The following PCDHGA7 variants were observed in gnomAD, a reference collection of about 807,000 sequenced individuals.
The protein encoded by PCDHGA7 is protocadherin gamma subfamily A, 7, also known as protocadherin gamma-A7.
Under a neutral mutation model 58.3 loss-of-function variants are expected in PCDHGA7, and 44 were observed. That is an observed-to-expected ratio of 0.75 (90% CI 0.59 to 0.97). The LOEUF (loss-of-function observed/expected upper bound fraction) is 0.97. PCDHGA7 is among the 50% of genes least tolerant of loss of function. The probability of loss-of-function intolerance (pLI) is 0.00; values close to 1 mark genes in which losing one functional copy is unlikely to be tolerated. For missense variants in PCDHGA7, 1,266 were observed against 1,188.7 expected (o/e 1.06, Z -0.96); for synonymous variants, 516 against 504.2 (o/e 1.02, Z -0.31).
Position 141,432,292 on chromosome 5 carries a change from T to G in PCDHGA7, c.2424+46969T>G. 6.2e-7 allele frequency: 1 copy of G among 1,614,196 alleles called. No homozygotes were observed. The highest frequency in any genetic ancestry group is 8.5e-7 in the Non-Finnish European group (1 of 1,180,042). On this transcript the variant is annotated intron_variant, in intron 1 of 3. Transcript: ENST00000518325. This position sits in a 1 kb window ranked among gnomAD's most constrained non-coding sequence, Gnocchi z 6.0. Reference sequence around the variant, plus strand: ...CCTACGTGTCCATCAACTCCGACACTGGGGTACTGTATGCGCTGAGCTCCT... The same window carrying G: ...CCTACGTGTCCATCAACTCCGACACGGGGGTACTGTATGCGCTGAGCTCCT...
intron 1 of PCDHGA7, chr5:141,413,431 G>T (rs963192857): frequency 1.9e-6 from 3 of 1,614,092 alleles, no homozygotes; most frequent in Non-Finnish European, 2.5e-6. Context: ...CCCGCGCAGC[G>T]GCAGCTTGAT....
At chr5:141,428,105 G>T in intron 1 of PCDHGA7, 4 of 1,608,184 alleles carry the variant, frequency 2.5e-6, no homozygotes, top group Non-Finnish European at 2.5e-6. Context: ...ACCACGTGCT[G>T]CAGGCCATCG....
chr5:141,439,410 A>T (rs2098110832), intron 1 of PCDHGA7, among the ~76,000 whole-genome samples: 1 of 152,220 alleles, frequency 6.6e-6, no homozygotes, highest in African/African-American at 2.4e-5. Context: ...TGCTAACATC[A>T]CTGAGGTTAT....
At chr5:141,479,241 G>T (rs2099490987) in intron 1 of PCDHGA7, 1 of 152,174 alleles carries the variant, frequency 6.6e-6, no homozygotes, top group Admixed American at 6.5e-5. Context: ...CAAACCCAAA[G>T]ATAACCATTT....
chr5:141,491,895 A>C lies in PCDHGA7; in HGVS notation c.2425-2912A>C. 1.4e-6 allele frequency: 2 copies of C among 1,434,306 alleles called. No individual in the cohort carries two copies. The highest frequency in any genetic ancestry group is 1.8e-6 in the Non-Finnish European group (2 of 1,084,904). 88.8% of individuals were successfully genotyped at this position (1,434,306 alleles called of 1,614,324 possible). Reference sequence around the variant, plus strand: ...CCGATTAAGGGATGGGGCTCCGAGCACCGGGGGTGGTGGCGACTGTGGGCG... The same window carrying C: ...CCGATTAAGGGATGGGGCTCCGAGCCCCGGGGGTGGTGGCGACTGTGGGCG... On this transcript the variant is annotated intron_variant, in intron 1 of 3. Transcript: ENST00000518325. The surrounding 1 kb of genome is among the most constrained non-coding windows in gnomAD (Gnocchi z 6.9).
At chr5:141,473,272 A>G (rs2099318396) in intron 1 of PCDHGA7, among the ~76,000 whole-genome samples, 1 of 152,182 alleles carries the variant, frequency 6.6e-6, no homozygotes, top group African/African-American at 2.4e-5. Flanking sequence ...GTATGCTATG[A>G]TTATTTTACT....
rs925541311 is a variant in PCDHGA7 at position 141,431,452 on chromosome 5, G to C, written c.2424+46129G>C. 11 of 1,613,630 alleles carry C rather than the reference G, an allele frequency of 6.8e-6. No individual in the cohort carries two copies. The highest frequency in any genetic ancestry group is 9.3e-6 in the Non-Finnish European group (11 of 1,179,982). On this transcript the variant is annotated intron_variant, in intron 1 of 3. Transcript: ENST00000518325. The surrounding 1 kb of genome is among the most constrained non-coding windows in gnomAD (Gnocchi z 4.8). ...CAGGCACCGCGCGCATCCGCGTGAT[G>C]GTTCTGGATGCGAACGACAACGCAC...
At chr5:141,455,860 ATTATTTATTTATTTATTTAT>A (rs145569377) in intron 1 of PCDHGA7, among the ~76,000 whole-genome samples, 117 of 139,848 alleles carry the variant, frequency 8.4e-4, no homozygotes, top group Non-Finnish European at 9.4e-4. Flanking sequence ...AATTTCTTTT[ATTATTTATTTATTTATTTAT>A]TTATTTATTT....
At chr5:141,429,387 T>TTA (rs775632416) in intron 1 of PCDHGA7, among the ~76,000 whole-genome samples, 40 of 151,448 alleles carry the variant, frequency 2.6e-4, no homozygotes, top group African/African-American at 7.0e-4. Context: ...GTTTTTTTTT[T>TTA]AAAAAAAATT....
chr5:141,476,697 C>T lies in PCDHGA7; in HGVS notation c.2425-18110C>T, dbSNP rs758302668. The T allele has an allele frequency of 2.5e-6, 4 of 1,614,110 alleles. No individual in the cohort carries two copies. The highest frequency in any genetic ancestry group is 2.2e-5 in the South Asian group (2 of 91,088). The stretch of plus-strand genomic sequence containing the variant: ...ACGCGGGAGGACAGCACCAAGTACG[C>T]GGAGCTGGTGTTGGAGCGCGCCCTG... On this transcript the variant is annotated intron_variant, in intron 1 of 3. Coordinates refer to ENST00000518325, the MANE Select transcript of PCDHGA7 (RefSeq NM_018920.4). The surrounding 1 kb of genome is among the most constrained non-coding windows in gnomAD (Gnocchi z 7.6).
chr5:141,398,148 G>T lies in PCDHGA7; in HGVS notation c.2424+12825G>T, dbSNP rs768560617. The T allele has an allele frequency of 9.4e-6, 14 of 1,497,140 alleles. 1 individual carries two copies. Among genetic ancestry groups the T allele is most frequent in the East Asian group, 9.3e-5 (4 of 42,788 alleles). 92.7% of individuals were successfully genotyped at this position (1,497,140 alleles called of 1,614,324 possible). On this transcript the variant is annotated intron_variant, in intron 1 of 3. Coordinates refer to ENST00000518325, the MANE Select transcript of PCDHGA7 (RefSeq NM_018920.4). ...GAGGGATGGGGAGCGGCGCCGGGGA[G>T]CTGGGCCGGGCTGAGAGGCTGCCAG...
intron 1 of PCDHGA7, chr5:141,409,341 G>A (rs753232321): frequency 1.9e-6 from 3 of 1,613,976 alleles, no homozygotes; most frequent in Non-Finnish European, 2.5e-6. Flanking sequence ...GGAGGAAATG[G>A]AGAAGTCAGG....
intron 1 of PCDHGA7, among the ~76,000 whole-genome samples, chr5:141,482,857 A>T (rs2099573663): frequency 6.6e-6 from 1 of 152,140 alleles, no homozygotes; most frequent in Admixed American, 6.5e-5. Flanking sequence ...AGATCACTTG[A>T]GGTCAGGAGT....
intron 1 of PCDHGA7, among the ~76,000 whole-genome samples, chr5:141,455,594 G>A (rs1263100982): frequency 6.6e-6 from 1 of 152,112 alleles, no homozygotes; most frequent in Non-Finnish European, 1.5e-5. Context: ...ATATGCAAAC[G>A]TAGGGCGCCA....
chr5:141,394,410 A>G, intron 1 of PCDHGA7: 1 of 1,614,210 alleles, frequency 6.2e-7, no homozygotes, highest in Non-Finnish European at 8.5e-7. Context: ...GCTACTGGTA[A>G]CAGCCAGCGA....
intron 1 of PCDHGA7, chr5:141,388,701 G>A: frequency 1.9e-6 from 3 of 1,613,986 alleles, no homozygotes; most frequent in South Asian, 1.1e-5. Context: ...GGATGAGGGT[G>A]TCAATGCCGA....
chr5:141,434,852 A>G (rs1382212982), intron 1 of PCDHGA7, among the ~76,000 whole-genome samples: 2 of 151,990 alleles, frequency 1.3e-5, no homozygotes, highest in Non-Finnish European at 2.9e-5. Context: ...AGACATCAAT[A>G]AATTTATATA....
intron 1 of PCDHGA7, among the ~76,000 whole-genome samples, chr5:141,406,174 G>A (rs990967391): frequency 2.6e-5 from 4 of 151,264 alleles, no homozygotes; most frequent in African/African-American, 9.7e-5. Flanking sequence ...CTGGGCTTAT[G>A]CAATCCTCCC....
intron 1 of PCDHGA7, among the ~76,000 whole-genome samples, chr5:141,475,520 C>T (rs2099364531): frequency 6.6e-6 from 1 of 152,204 alleles, no homozygotes; most frequent in Non-Finnish European, 1.5e-5. Context: ...CACGGAAATG[C>T]TAAATGCCTC....
Sources: gnomAD v4.1 joint callset for allele counts (sites outside exome capture counted in the v4.1 genomes callset) on GRCh38, gnomAD v4.1.1 for gene constraint, Gnocchi (gnomAD v3.1) non-coding constraint, MANE v1.5 for transcripts, NCBI Gene and HGNC (gene_info 2026-07-23, HGNC 2026-07-21) for gene names.